The following WDR33 variants were observed in gnomAD, a reference collection of about 807,000 sequenced individuals.
WDR33 encodes pre-mRNA 3' end processing protein WDR33.
Under a neutral mutation model 164.9 loss-of-function variants are expected in WDR33, and 47 were observed. That is an observed-to-expected ratio of 0.29 (90% CI 0.23 to 0.36). The LOEUF (loss-of-function observed/expected upper bound fraction) is 0.36. Ranked by LOEUF, WDR33 falls within the 10% of genes least tolerant of loss-of-function variation. The pLI, the probability that WDR33 is intolerant of heterozygous loss-of-function variation, is 1.00. For missense variants in WDR33, 1,137 were observed against 1,754.1 expected, an observed-to-expected ratio of 0.65 and a Z score of 6.28; for synonymous variants, 505 against 589.0, an observed-to-expected ratio of 0.86 and a Z score of 2.06.
At position 127,701,170 on chromosome 2, in the gene WDR33, A is replaced by G. The variant is rs949197347; in HGVS notation, c.*5153T>C. 5.6e-5 allele frequency: 10 copies of G among 179,762 alleles called. No homozygotes were observed. Among genetic ancestry groups the G allele is most frequent in the African/African-American group, 1.2e-4 (5 of 42,686 alleles). The allele number at this position is 179,762 out of a possible 1,614,324, so 11.1% of individuals were successfully genotyped here. A position where few individuals can be genotyped will look rare whatever the true frequency, so the allele number is the denominator to read the frequency against. On this transcript the variant is annotated 3_prime_UTR_variant, in exon 22 of 22. Coordinates refer to ENST00000322313, the MANE Select transcript of WDR33 (RefSeq NM_018383.5). ...CCGCCACGGTAGACGCAGTGAGGCC[A>G]TAAGACATTTCCGTCAGCAAAAGGG...
chr2:127,764,542 CGT>C lies in WDR33; in HGVS notation c.626+284_626+285del. 1 of 1,543,690 alleles carries C rather than the reference CGT, an allele frequency of 6.5e-7. No individual in the cohort carries two copies. ...CACAGTAGATAATAAAAAGGAATAA[CGT>C]ATACACATTATTAATCATAAATGAA... On this transcript the variant is annotated intron_variant, in intron 6 of 21. Coordinates refer to ENST00000322313, the MANE Select transcript of WDR33 (RefSeq NM_018383.5). This position sits in a 1 kb window ranked among gnomAD's most constrained non-coding sequence, Gnocchi z 6.2.
In WDR33 at chr2:127,713,170, T is replaced by C. The variant is rs1313665937; in HGVS notation, c.3308+413A>G. Among the ~76,000 whole-genome samples the C allele has an allele frequency of 1.4e-4, 21 of 152,188 alleles. No homozygotes were observed. The highest frequency in any genetic ancestry group is 1.4e-3 in the Admixed American group (21 of 15,270). Reference sequence around the variant, plus strand: ...CAGGAAGACTGTTTTTCAGTTTAAGTTTGTTAAGATTATTGGGCAATTACA... The same window carrying C: ...CAGGAAGACTGTTTTTCAGTTTAAGCTTGTTAAGATTATTGGGCAATTACA... On this transcript the variant is annotated intron_variant, in intron 18 of 21. Coordinates refer to ENST00000322313, the MANE Select transcript of WDR33 (RefSeq NM_018383.5). The surrounding 1 kb of genome is among the most constrained non-coding windows in gnomAD (Gnocchi z 6.2).
chr2:127,773,790 G>A (rs1051723738), intron 1 of WDR33, among the ~76,000 whole-genome samples: 7 of 152,116 alleles, frequency 4.6e-5, no homozygotes, highest in Non-Finnish European at 8.8e-5. Flanking sequence ...TTGAGATGGG[G>A]TCTCGCTCTG....
chr2:127,763,510 T>C lies in WDR33; in HGVS notation c.627-351A>G. The C allele has an allele frequency of 3.8e-6, 4 of 1,058,492 alleles. No individual in the cohort carries two copies. The highest frequency in any genetic ancestry group is 4.6e-6 in the Non-Finnish European group (4 of 874,388). The allele number at this position is 1,058,492 out of a possible 1,614,324, so 65.6% of individuals were successfully genotyped here. On this transcript the variant is annotated intron_variant, in intron 6 of 21. Coordinates refer to ENST00000322313, the MANE Select transcript of WDR33 (RefSeq NM_018383.5). The surrounding 1 kb of genome is among the most constrained non-coding windows in gnomAD (Gnocchi z 4.5). ...TAAATGGATTCTATTTTTGCAGTAT[T>C]CCTGCAGTCTTTTAAATCACACACG...
chr2:127,786,421 G>A (rs895013891), intron 1 of WDR33, among the ~76,000 whole-genome samples: 1 of 152,200 alleles, frequency 6.6e-6, no homozygotes, highest in Non-Finnish European at 1.5e-5. Context: ...GGTGGCTCAC[G>A]CCTGTATTCT....
In WDR33 at chr2:127,739,786, G is replaced by A. The variant is rs532227602; in HGVS notation, c.725-13009C>T. ...ATTTCCATATAGACTTAGTTATCCA[G>A]CAAGAGCTGTTACTACTATGAACAG... On this transcript the variant is annotated intron_variant, in intron 7 of 21. Coordinates refer to ENST00000322313, the MANE Select transcript of WDR33 (RefSeq NM_018383.5). Among the ~76,000 whole-genome samples the A allele has an allele frequency of 3.9e-5, 6 of 152,320 alleles. No homozygotes were observed. In the East Asian group the frequency reaches 9.6e-4, roughly 24 times the overall value.
At position 127,795,837 on chromosome 2, in the gene WDR33, A is replaced by G. The variant is rs576498714; in HGVS notation, c.-24+15175T>C. 3.6e-4 allele frequency among the ~76,000 whole-genome samples: 39 copies of G among 108,746 alleles called. 1 individual carries two copies. Among genetic ancestry groups the G allele is most frequent in the African/African-American group, 1.2e-3 (36 of 31,228 alleles). The allele number at this position is 108,746 out of a possible 152,430, so 71.3% of individuals were successfully genotyped here. ...CAACACAGCAAGGCTTTGTCTCCGG[A>G]AAAAAAAAAACTGTCTTGAAACCTC... On this transcript the variant is annotated intron_variant, in intron 1 of 21. Coordinates refer to ENST00000322313, the MANE Select transcript of WDR33 (RefSeq NM_018383.5).
chr2:127,750,685 T>C lies in WDR33; in HGVS notation c.724+12377A>G, dbSNP rs1291936381. The stretch of plus-strand genomic sequence containing the variant: ...AAAAAAAAAAAAAAAAAAATATATA[T>C]ATATATATATATATATATATATATA... On this transcript the variant is annotated intron_variant, in intron 7 of 21. Transcript: ENST00000322313. 1.6e-3 allele frequency among the ~76,000 whole-genome samples: 65 copies of C among 40,968 alleles called. 1 individual carries two copies. Among genetic ancestry groups the C allele is most frequent in the African/African-American group, 0.012 (63 of 5,360 alleles). 26.9% of individuals were successfully genotyped at this position (40,968 alleles called of 152,430 possible). A position where few individuals can be genotyped will look rare whatever the true frequency, so the allele number is the denominator to read the frequency against.
rs1160686737 is a variant in WDR33, at chr2:127,722,547, C to T, written c.1518+44G>A. 2 of 1,597,316 alleles carry T rather than the reference C, an allele frequency of 1.3e-6. No individual in the cohort carries two copies. The highest frequency in any genetic ancestry group is 1.7e-6 in the Non-Finnish European group (2 of 1,173,430). The stretch of plus-strand genomic sequence containing the variant: ...CCAAGAGAAACCTCAAACTAACCAA[C>T]CAAAACCTCTCTGCGTGGATGAGGT... On this transcript the variant is annotated intron_variant, in intron 14 of 21. Coordinates refer to ENST00000322313, the MANE Select transcript of WDR33 (RefSeq NM_018383.5). The surrounding 1 kb of genome is among the most constrained non-coding windows in gnomAD (Gnocchi z 5.1).
chr2:127,770,946 G>A lies in WDR33; in HGVS notation c.36C>T (p.Phe12=). ...ATEIGSPPRF[F]HMPRFQHQAP... ...CCTGGTGCTGGAACCTTGGCATATG[G>A]AAAAAACGAGGAGGAGAACCAATTT... is the stretch of plus-strand genomic sequence containing the variant. The change falls in exon 2 of 22, where the codon TTC becomes TTT. Residue 12 remains phenylalanine (F), a synonymous_variant. Transcript: ENST00000322313. The surrounding 1 kb of genome is among the most constrained non-coding windows in gnomAD (Gnocchi z 4.9). The A allele has an allele frequency of 6.2e-7, 1 of 1,613,776 alleles. No homozygotes were observed. The highest frequency in any genetic ancestry group is 1.7e-5 in the Admixed American group (1 of 59,918).
intron 1 of WDR33, among the ~76,000 whole-genome samples, chr2:127,794,848 AAAAAG>A (rs1353741942): frequency 2.0e-5 from 3 of 148,948 alleles, no homozygotes. Flanking sequence ...AAAAAAAAAA[AAAAAG>A]AAAGAAAGAA....
rs759703544 is a variant in WDR33, at chr2:127,768,264, A to G, written c.303T>C (p.Asn101=). ...ATTTTGTTGTTACTGCATTCATAGG[A>G]TTATTCAACATTCCTATAGGTGGGA... The part of the protein sequence containing the change: ...DLVPPIGMLN[N]PMNAVTTKFV... The change falls in exon 4 of 22, where the codon AAT becomes AAC. Residue 101 remains asparagine, a synonymous_variant. Transcript: ENST00000322313. The G allele has an allele frequency of 6.3e-7, 1 of 1,580,542 alleles. No individual in the cohort carries two copies.
chr2:127,735,965 C>A lies in WDR33; in HGVS notation c.725-9188G>T. 1.0e-6 allele frequency: 1 copy of A among 985,358 alleles called. No homozygotes were observed. Among genetic ancestry groups the A allele is most frequent in the Non-Finnish European group, 1.2e-6 (1 of 829,916 alleles). 61.0% of individuals were successfully genotyped at this position (985,358 alleles called of 1,614,324 possible). On this transcript the variant is annotated intron_variant, in intron 7 of 21. Coordinates refer to ENST00000322313, the MANE Select transcript of WDR33 (RefSeq NM_018383.5). The surrounding 1 kb of genome is among the most constrained non-coding windows in gnomAD (Gnocchi z 4.3). ...AGTTAATTCTGGAAAGGGGGTATGC[C>A]TAGGCAGGGCAGTGTTTTCACAATG...
rs866728645 is a variant in WDR33 at position 127,788,158 on chromosome 2, C to G, written c.-23-17154G>C. Among the ~76,000 whole-genome samples, 32 of 96,274 alleles carry G rather than the reference C, an allele frequency of 3.3e-4. No individual in the cohort carries two copies. In the South Asian group the frequency reaches 3.8e-3, roughly 12 times the overall value. 63.2% of individuals were successfully genotyped at this position (96,274 alleles called of 152,430 possible). A position where few individuals can be genotyped will look rare whatever the true frequency, so the allele number is the denominator to read the frequency against. On this transcript the variant is annotated intron_variant, in intron 1 of 21. Transcript: ENST00000322313. ...AGTAGGGGCGGCCGGGCAGAGGCGCCCCTCACCTCCCAGACGGGGCGGCTG... is the reference window on the plus strand; with the variant it reads ...AGTAGGGGCGGCCGGGCAGAGGCGCGCCTCACCTCCCAGACGGGGCGGCTG...
intron 1 of WDR33, among the ~76,000 whole-genome samples, chr2:127,796,058 T>G (rs550699917): frequency 6.7e-6 from 1 of 149,610 alleles, no homozygotes; most frequent in Non-Finnish European, 1.5e-5. Flanking sequence ...GTATTAATAT[T>G]AGGTGATTAC....
rs376887323 is a variant in WDR33 at position 127,710,041 on chromosome 2, A to G, written c.3309-185T>C. Among the ~76,000 whole-genome samples the G allele has an allele frequency of 1.1e-4, 16 of 152,378 alleles. No individual in the cohort carries two copies. In the South Asian group the frequency reaches 3.3e-3, roughly 32 times the overall value. On this transcript the variant is annotated intron_variant, in intron 18 of 21. Coordinates refer to ENST00000322313, the MANE Select transcript of WDR33 (RefSeq NM_018383.5). The surrounding 1 kb of genome is among the most constrained non-coding windows in gnomAD (Gnocchi z 4.4). ...CCTATTAATACTATCAGAGGCAAAA[A>G]CAGACCAGAAGGAAACACACCAGAG...
intron 1 of WDR33, among the ~76,000 whole-genome samples, chr2:127,799,878 T>A (rs146003811): frequency 6.6e-6 from 1 of 152,108 alleles, no homozygotes; most frequent in Non-Finnish European, 1.5e-5. Flanking sequence ...GGCAACAGAG[T>A]GAGACCCCGT....
In WDR33 at chr2:127,719,974, T is replaced by C; in HGVS notation, c.2051A>G (p.His684Arg). Residue 684 changes from histidine to arginine, a missense_variant, in exon 16 of 22, where the codon CAT (histidine) becomes CGT (arginine). His to Arg is a conservative substitution (Grantham distance 29, BLOSUM62 0). Coordinates refer to ENST00000322313, the MANE Select transcript of WDR33 (RefSeq NM_018383.5). This position sits in a 1 kb window ranked among gnomAD's most constrained non-coding sequence, Gnocchi z 6.5. ...TGGCCCTTGAGGTCCCAAAGGGCCATGAGGTCCAGGATGCCTCTGCATTCC... is the reference window on the plus strand; with the variant it reads ...TGGCCCTTGAGGTCCCAAAGGGCCACGAGGTCCAGGATGCCTCTGCATTCC... ...PQGMQRHPGP[H>R]GPLGPQGPPG... The C allele has an allele frequency of 1.9e-6, 3 of 1,613,916 alleles. No individual in the cohort carries two copies. The highest frequency in any genetic ancestry group is 1.7e-4 in the Middle Eastern group (1 of 6,056).
intron 1 of WDR33, among the ~76,000 whole-genome samples, chr2:127,795,789 G>A (rs1300095325): frequency 6.6e-6 from 1 of 151,398 alleles, no homozygotes; most frequent in East Asian, 1.9e-4. Flanking sequence ...AGCTGAGATG[G>A]AGCCACTGCA....
Sources: gnomAD v4.1 joint callset for allele counts (sites outside exome capture counted in the v4.1 genomes callset) on GRCh38, gnomAD v4.1.1 for gene constraint, Gnocchi (gnomAD v3.1) non-coding constraint, MANE v1.5 for transcripts, NCBI Gene and HGNC (gene_info 2026-07-23, HGNC 2026-07-21) for gene names.